The following FLCN variants were observed in gnomAD, a reference collection of about 807,000 sequenced individuals.
FLCN encodes the protein folliculin.
In FLCN, 22 loss-of-function variants were observed where a neutral mutation model predicts 62.5. That is an observed-to-expected ratio of 0.35 (90% CI 0.25 to 0.50). FLCN has a LOEUF of 0.50. FLCN is among the 20% of genes least tolerant of loss of function. FLCN has a pLI of 0.97. For synonymous variants in FLCN, 319 were observed against 310.0 expected (o/e 1.03, Z -0.30); for missense variants, 657 against 778.0 (o/e 0.84, Z 1.85).
At position 17,216,381 on chromosome 17, in the gene FLCN, TGAG is replaced by T. The variant is rs763354508; in HGVS notation, c.1296_1298del (p.Ser433del). The T allele has an allele frequency of 3.1e-6, 5 of 1,613,198 alleles. No individual in the cohort carries two copies. The highest frequency in any genetic ancestry group is 2.7e-5 in the African/African-American group (2 of 74,892). On this transcript the variant is annotated inframe_deletion and splice_region_variant, in exon 11 of 14. Transcript: ENST00000285071. The surrounding 1 kb of genome is among the most constrained non-coding windows in gnomAD (Gnocchi z 4.0). Reference sequence around the variant, plus strand: ...CCCACAGCCCGCGGGGGCACGCACCTGAGGAGAGCACGTGGGGGGGGATCTGCA... The same window carrying T: ...CCCACAGCCCGCGGGGGCACGCACCTGAGAGCACGTGGGGGGGGATCTGCA...
chr17:17,212,801 A>G lies in FLCN; in HGVS notation c.*854T>C, dbSNP rs1489947538. 4 of 217,416 alleles carry G rather than the reference A, an allele frequency of 1.8e-5. No individual in the cohort carries two copies. Among genetic ancestry groups the G allele is most frequent in the Non-Finnish European group, 2.8e-5 (3 of 108,268 alleles). The allele number at this position is 217,416 out of a possible 1,614,324, so 13.5% of individuals were successfully genotyped here. A position where few individuals can be genotyped will look rare whatever the true frequency, so the allele number is the denominator to read the frequency against. On this transcript the variant is annotated 3_prime_UTR_variant, in exon 14 of 14. Coordinates refer to ENST00000285071, the MANE Select transcript of FLCN (RefSeq NM_144997.7). ...AACTCCCTCTCAAAAAAAAAAGTAC[A>G]GTGGGATGATGAAATTGTCTTCAAT...
intron 8 of FLCN, among the ~76,000 whole-genome samples, 172 bp from the exon 9 acceptor site, chr17:17,219,381 G>A (rs1038854380): frequency 1.3e-5 from 2 of 152,042 alleles, no homozygotes; most frequent in African/African-American, 4.8e-5. Context: ...GGAGGGCTCA[G>A]TTGCTGTCTA....
chr17:17,227,093 G>A (rs1324999889), intron 4 of FLCN, among the ~76,000 whole-genome samples: 1 of 152,206 alleles, frequency 6.6e-6, no homozygotes, highest in Admixed American at 6.5e-5. Flanking sequence ...AGCAATGGAT[G>A]CAGCTCTTAC....
Position 17,227,917 on chromosome 17 carries a change from G to A in FLCN, c.221C>T (p.Pro74Leu), listed in dbSNP as rs773648142. 5 of 1,614,106 alleles carry A rather than the reference G, an allele frequency of 3.1e-6. No individual in the cohort carries two copies. Among genetic ancestry groups the A allele is most frequent in the Non-Finnish European group, 4.2e-6 (5 of 1,180,028 alleles). ...GCACATGTCCGACTTTTTGGGCCCC[G>A]GGCTGCTGGACTCGACGCTGGCCCC... ...AEGASVESSS[P>L]GPKKSDMCEG... Residue 74 changes from proline to leucine, a missense_variant, in exon 4 of 14, where the codon CCG becomes CTG. Coordinates refer to ENST00000285071, the MANE Select transcript of FLCN (RefSeq NM_144997.7).
chr17:17,230,765 C>T (rs571118697), intron 3 of FLCN, among the ~76,000 whole-genome samples: 18 of 150,982 alleles, frequency 1.2e-4, no homozygotes, highest in South Asian at 8.4e-4. Context: ...TGGTGGCGCA[C>T]GCTTGTAGTC....
At chr17:17,218,980 C>T (rs1443984330) in intron 9 of FLCN, 39 bp downstream of exon 9, 1 of 1,608,750 alleles carries the variant, frequency 6.2e-7, no homozygotes, top group South Asian at 1.1e-5. Flanking sequence ...GACTGGCTCT[C>T]CTCCTGAGCT....
intron 3 of FLCN, among the ~76,000 whole-genome samples, chr17:17,230,594 C>A (rs1426680808): frequency 6.6e-6 from 1 of 151,664 alleles, no homozygotes; most frequent in African/African-American, 2.4e-5. Context: ...GGCGTGTTGG[C>A]GGTCACCTAT....
At position 17,226,317 on chromosome 17, in the gene FLCN, G is replaced by A. The variant is rs2145014662; in HGVS notation, c.255C>T (p.Cys85=). The change falls in exon 5 of 14, where the codon TGC becomes TGT. Residue 85 remains cysteine (C), a synonymous_variant. Coordinates refer to ENST00000285071, the MANE Select transcript of FLCN (RefSeq NM_144997.7). The stretch of plus-strand genomic sequence containing the variant: ...CCGGGTGCCCTGCAGCAAGTGACCG[G>A]CAGCCCTGTCCATGAAAAGGAAAAG... ...GPKKSDMCEG[C]RSLAAGHPGY... 6.2e-7 allele frequency: 1 copy of A among 1,614,208 alleles called. No individual in the cohort carries two copies. Among genetic ancestry groups the A allele is most frequent in the South Asian group, 1.1e-5 (1 of 91,084 alleles).
Position 17,212,800 on chromosome 17 carries a change from C to T in FLCN, c.*855G>A. 4.6e-6 allele frequency: 1 copy of T among 216,312 alleles called. No homozygotes were observed. Among genetic ancestry groups the T allele is most frequent in the East Asian group, 6.8e-5 (1 of 14,734 alleles). 13.4% of individuals were successfully genotyped at this position (216,312 alleles called of 1,614,324 possible). ...AAACTCCCTCTCAAAAAAAAAAGTA[C>T]AGTGGGATGATGAAATTGTCTTCAA... is the stretch of plus-strand genomic sequence containing the variant. On this transcript the variant is annotated 3_prime_UTR_variant, in exon 14 of 14. Coordinates refer to ENST00000285071, the MANE Select transcript of FLCN (RefSeq NM_144997.7).
Position 17,227,986 on chromosome 17 carries a change from C to A in FLCN, c.152G>T (p.Gly51Val), listed in dbSNP as rs2145044590. ...ACGCATCCGACTGTTCATCTGAATG[C>A]CACCTTCCTCTTCTTCCGCCTGCTC... ...QGEQAEEEEG[G>V]IQMNSRMRAH... The change falls in exon 4 of 14, where the codon GGC becomes GTC. Residue 51 changes from glycine (G) to valine (V), a missense_variant. Transcript: ENST00000285071. 1 of 1,614,142 alleles carries A rather than the reference C, an allele frequency of 6.2e-7. No individual in the cohort carries two copies. Among genetic ancestry groups the A allele is most frequent in the Non-Finnish European group, 8.5e-7 (1 of 1,180,052 alleles).
chr17:17,219,337 G>T, intron 8 of FLCN, 128 bp from the exon 9 acceptor site: 1 of 662,242 alleles, frequency 1.5e-6, no homozygotes, highest in Non-Finnish European at 2.6e-6. Context: ...TATGCTCCCT[G>T]CTCCCTGTTG....
rs587778368 is a variant in FLCN at position 17,221,437 on chromosome 17, G to A, written c.871+100C>T. The A allele has an allele frequency of 5.0e-5, 80 of 1,613,882 alleles. No individual in the cohort carries two copies. In the East Asian group the frequency reaches 1.6e-3, roughly 32 times the overall value. On this transcript the variant is annotated intron_variant, in intron 8 of 13. Transcript: ENST00000285071. ...GCTCGTTCTGGGCTGATTCAGAGCC[G>A]CGTTTCCCTCCCTCAGCGATTCCTG...
chr17:17,224,193 C>T, intron 5 of FLCN, 50 bp from the exon 6 acceptor site: 1 of 1,485,828 alleles, frequency 6.7e-7, no homozygotes, highest in Non-Finnish European at 9.2e-7. Context: ...TTAGTGACAC[C>T]AAATCAAAGC....
rs2047182426 is a variant in FLCN, at chr17:17,224,149, G to A, written c.397-6C>T. Reference sequence around the variant, plus strand: ...CCTTCACGGCCAGGGCAGACCTGGAGGGACACCGGCGACTCAGACAGCCCT... The same window carrying A: ...CCTTCACGGCCAGGGCAGACCTGGAAGGACACCGGCGACTCAGACAGCCCT... On this transcript the variant is annotated splice_polypyrimidine_tract_variant and splice_region_variant and intron_variant, in intron 5 of 13. Transcript: ENST00000285071. 1.3e-6 allele frequency: 2 copies of A among 1,574,942 alleles called. No individual in the cohort carries two copies. The highest frequency in any genetic ancestry group is 1.7e-6 in the Non-Finnish European group (2 of 1,159,486).
At chr17:17,221,213 C>A (rs932783663) in intron 8 of FLCN, 5 of 1,523,068 alleles carry the variant, frequency 3.3e-6, no homozygotes, top group Non-Finnish European at 4.4e-6. Flanking sequence ...AGACCGTCGA[C>A]CAGGCCAAGC....
chr17:17,223,690 C>G (rs2047160949), intron 6 of FLCN, among the ~76,000 whole-genome samples: 1 of 152,220 alleles, frequency 6.6e-6, no homozygotes, highest in Non-Finnish European at 1.5e-5. Context: ...GAAACCAGAG[C>G]TGAGCGAGAA....
At chr17:17,217,463 T>C in intron 9 of FLCN, 1 of 490,646 alleles carries the variant, frequency 2.0e-6, no homozygotes, top group East Asian at 3.9e-5. Flanking sequence ...ATGTTAACTT[T>C]GTGCAATATT....
chr17:17,230,022 A>C (rs757018843), intron 3 of FLCN, among the ~76,000 whole-genome samples: 19 of 152,314 alleles, frequency 1.2e-4, no homozygotes, highest in East Asian at 1.9e-4. Context: ...AAGCCAGAGA[A>C]GGCTTTAAAA....
chr17:17,229,641 G>C (rs1434399869), intron 3 of FLCN, among the ~76,000 whole-genome samples: 1 of 152,228 alleles, frequency 6.6e-6, no homozygotes, highest in Non-Finnish European at 1.5e-5. Flanking sequence ...GCCGAACAGT[G>C]GTTCAAATGG....
Sources: allele counts gnomAD v4.1 joint callset (sites outside exome capture counted in the v4.1 genomes callset), GRCh38; gene constraint gnomAD v4.1.1; non-coding constraint Gnocchi (gnomAD v3.1); transcripts MANE v1.5; gene names NCBI Gene and HGNC (gene_info 2026-07-23, HGNC 2026-07-21).